Variants in NXPH1 observed in about 807,000 individuals in gnomAD.
The protein encoded by NXPH1 is neurexophilin 1.
In NXPH1, 5 loss-of-function variants were observed where a neutral mutation model predicts 23.7. The ratio of observed to expected loss-of-function variants is 0.21; its 90% CI spans 0.11 to 0.44. NXPH1 has a LOEUF of 0.44. NXPH1 is among the 20% of genes least tolerant of loss of function. NXPH1 has a pLI of 0.99. For missense variants in NXPH1, 324 were observed against 321.6 expected (o/e 1.01, Z -0.06); for synonymous variants, 144 against 122.2 (o/e 1.18, Z -1.18).
intron 2 of NXPH1, among the ~76,000 whole-genome samples, chr7:8,524,446 G>C (rs574571818): frequency 2.0e-5 from 3 of 152,014 alleles, no homozygotes; most frequent in African/African-American, 7.3e-5. Context: ...CAGAGGTTCA[G>C]CTGTCCCATT....
At chr7:8,750,094 C>T (rs1780538498) in intron 2 of NXPH1, among the ~76,000 whole-genome samples, 1 of 152,168 alleles carries the variant, frequency 6.6e-6, no homozygotes, top group Non-Finnish European at 1.5e-5. Context: ...TACTTAAAGT[C>T]ACGTTCCTAG....
chr7:8,559,991 G>T (rs181829063), intron 2 of NXPH1, among the ~76,000 whole-genome samples: 1 of 151,614 alleles, frequency 6.6e-6, no homozygotes, highest in African/African-American at 2.4e-5. Context: ...GAATGGTAAC[G>T]GTAGAGCCAT....
chr7:8,529,713 C>T (rs887445954), intron 2 of NXPH1, among the ~76,000 whole-genome samples: 2 of 152,116 alleles, frequency 1.3e-5, no homozygotes, highest in Non-Finnish European at 2.9e-5. Context: ...GGATGCCATG[C>T]AGATTAAGTG....
intron 2 of NXPH1, among the ~76,000 whole-genome samples, chr7:8,659,721 TA>T (rs1820641636): frequency 6.6e-6 from 1 of 152,158 alleles, no homozygotes; most frequent in Non-Finnish European, 1.5e-5. Flanking sequence ...CCCTAGAACT[TA>T]AAGTATAATA....
intron 2 of NXPH1, among the ~76,000 whole-genome samples, chr7:8,488,401 C>T (rs763694292): frequency 2.0e-5 from 3 of 152,046 alleles, no homozygotes; most frequent in Non-Finnish European, 2.9e-5. Flanking sequence ...ATGTTTATAA[C>T]ATTTGACCAT....
intron 2 of NXPH1, among the ~76,000 whole-genome samples, chr7:8,477,224 A>G (rs1816989784): frequency 1.3e-5 from 2 of 152,270 alleles, no homozygotes; most frequent in Admixed American, 6.5e-5. Flanking sequence ...CACAGTTTCT[A>G]TAAGCAATTA....
chr7:8,687,337 C>T (rs554967187), intron 2 of NXPH1, among the ~76,000 whole-genome samples: 1 of 152,076 alleles, frequency 6.6e-6, no homozygotes, highest in Non-Finnish European at 1.5e-5. Context: ...ACATGAGACA[C>T]AGAGAATCCA....
intron 2 of NXPH1, among the ~76,000 whole-genome samples, chr7:8,744,128 A>AC (rs1309206812): frequency 6.6e-6 from 1 of 152,114 alleles, no homozygotes; most frequent in African/African-American, 2.4e-5. Context: ...GAAGAAAATG[A>AC]CCCTTGTCTA....
chr7:8,576,762 T>C (rs942910840), intron 2 of NXPH1, among the ~76,000 whole-genome samples: 1 of 152,162 alleles, frequency 6.6e-6, no homozygotes, highest in African/African-American at 2.4e-5. Flanking sequence ...TGTTTTTGAC[T>C]TGTTCCTTGT....
intron 2 of NXPH1, among the ~76,000 whole-genome samples, chr7:8,582,503 C>T (rs140227218): frequency 5.3e-5 from 8 of 152,236 alleles, no homozygotes; most frequent in South Asian, 2.1e-4. Flanking sequence ...GTTGTCCCGA[C>T]GAGTGTCCAG....
chr7:8,704,958 C>T (rs1361462117), intron 2 of NXPH1, among the ~76,000 whole-genome samples: 2 of 152,084 alleles, frequency 1.3e-5, no homozygotes, highest in Non-Finnish European at 2.9e-5. Context: ...CCTGCAACCA[C>T]TAACTAGGGT....
chr7:8,675,302 T>A (rs888573827), intron 2 of NXPH1, among the ~76,000 whole-genome samples: 1 of 151,894 alleles, frequency 6.6e-6, no homozygotes, highest in Non-Finnish European at 1.5e-5. Context: ...TAATAATTTT[T>A]ATTTTATTTT....
chr7:8,578,107 G>T (rs1019568912), intron 2 of NXPH1, among the ~76,000 whole-genome samples: 1 of 152,106 alleles, frequency 6.6e-6, no homozygotes, highest in African/African-American at 2.4e-5. Flanking sequence ...ACTAACTTTT[G>T]GGGCGATTTG....
In NXPH1 at chr7:8,719,210, G is replaced by A. The variant is rs73053948; in HGVS notation, c.55-31798G>A. 1.6e-3 allele frequency among the ~76,000 whole-genome samples: 241 copies of A among 152,288 alleles called. 2 individuals are homozygous for A. The highest frequency in any genetic ancestry group is 3.1e-3 in the Admixed American group (48 of 15,302). Reference sequence around the variant, plus strand: ...ATAGTTGTTTTAAAATATGCAAAGCGCAGATTTCAGACTTAATAGGAGATA... The same window carrying A: ...ATAGTTGTTTTAAAATATGCAAAGCACAGATTTCAGACTTAATAGGAGATA... On this transcript the variant is annotated intron_variant, in intron 2 of 2. Coordinates refer to ENST00000405863, the MANE Select transcript of NXPH1 (RefSeq NM_152745.3).
chr7:8,525,483 T>C (rs111437491), intron 2 of NXPH1, among the ~76,000 whole-genome samples: 33 of 152,314 alleles, frequency 2.2e-4, no homozygotes, highest in African/African-American at 7.2e-4. Flanking sequence ...GCAAGGAGCC[T>C]AATGTTAATC....
intron 2 of NXPH1, among the ~76,000 whole-genome samples, chr7:8,569,727 T>C (rs369580806): frequency 6.6e-6 from 1 of 151,756 alleles, no homozygotes; most frequent in Admixed American, 6.6e-5. Context: ...CTTCCTAGAG[T>C]GGGCAAGATC....
chr7:8,443,766 G>A (rs931461980), intron 2 of NXPH1, among the ~76,000 whole-genome samples: 1 of 152,214 alleles, frequency 6.6e-6, no homozygotes, highest in Non-Finnish European at 1.5e-5. Flanking sequence ...CGCCAGCGTG[G>A]GGCCTGATGC....
chr7:8,617,806 G>A (rs867053369), intron 2 of NXPH1, among the ~76,000 whole-genome samples: 4 of 152,134 alleles, frequency 2.6e-5, no homozygotes, highest in Non-Finnish European at 1.5e-5. Context: ...TAATGGGATT[G>A]TTTGTAATTT....
intron 2 of NXPH1, among the ~76,000 whole-genome samples, chr7:8,629,989 G>A (rs866530152): frequency 1.1e-4 from 16 of 152,102 alleles, no homozygotes; most frequent in African/African-American, 3.6e-4. Context: ...GTTGTACTGT[G>A]CTAAAGAGGC....
Sources: gnomAD v4.1 joint callset for allele counts (sites outside exome capture counted in the v4.1 genomes callset) on GRCh38, gnomAD v4.1.1 for gene constraint, MANE v1.5 for transcripts, NCBI Gene and HGNC (gene_info 2026-07-23, HGNC 2026-07-21) for gene names.